ZNF236: variants seen among roughly 807,000 people sequenced by gnomAD.
The protein encoded by ZNF236 is zinc finger protein 236, also known as regulated by glucose.
In ZNF236, 50 loss-of-function variants were observed where a neutral mutation model predicts 191.2. That is an observed-to-expected ratio of 0.26 (90% CI 0.21 to 0.33). The LOEUF is 0.33. ZNF236 is among the 10% of genes least tolerant of loss of function. The pLI is 1.00. For missense variants in ZNF236, 1,754 were observed against 2,374.5 expected (o/e 0.74, Z 5.43); for synonymous variants, 907 against 928.8 (o/e 0.98, Z 0.43).
intron 1 of ZNF236, among the ~76,000 whole-genome samples, chr18:76,836,882 A>G (rs1335014456): frequency 6.8e-6 from 1 of 148,024 alleles, no homozygotes. Context: ...CGGCCTATTT[A>G]TTTGTTTTTT....
intron 25 of ZNF236, among the ~76,000 whole-genome samples, chr18:76,931,837 G>A (rs962500261): frequency 2.0e-5 from 3 of 152,160 alleles, no homozygotes; most frequent in Non-Finnish European, 4.4e-5. Context: ...TGTAGAGATT[G>A]CATTCACTTC....
chr18:76,959,681 T>A lies in ZNF236; in HGVS notation c.5113-6T>A. 1 of 1,597,048 alleles carries A rather than the reference T, an allele frequency of 6.3e-7. No homozygotes were observed. Among genetic ancestry groups the A allele is most frequent in the South Asian group, 1.1e-5 (1 of 87,986 alleles). ...TGTTTCTTGGTTTCTGTGTGTTGTC[T>A]CCCAGGAGCACATGCAGACACACCA... On this transcript the variant is annotated splice_polypyrimidine_tract_variant and splice_region_variant and intron_variant, in intron 28 of 30. Transcript: ENST00000320610.
chr18:76,920,195 C>G, intron 20 of ZNF236, 137 bp downstream of exon 20: 1 of 994,694 alleles, frequency 1.0e-6, no homozygotes, highest in Non-Finnish European at 1.5e-6. Context: ...AGCTTACTTA[C>G]TTGAATGTAT....
At chr18:76,947,441 C>A in intron 26 of ZNF236, 80 bp from the exon 27 acceptor site, 1 of 1,519,176 alleles carries the variant, frequency 6.6e-7, no homozygotes, top group African/African-American at 1.4e-5. Context: ...TCCAAGGTAG[C>A]TGCACCATAA....
At chr18:76,952,846 CAG>C (rs948956802) in intron 27 of ZNF236, among the ~76,000 whole-genome samples, 46 of 152,246 alleles carry the variant, frequency 3.0e-4, no homozygotes, top group South Asian at 1.7e-3. Context: ...AACCCCCAAA[CAG>C]GGGTGTAGTT....
intron 1 of ZNF236, among the ~76,000 whole-genome samples, chr18:76,835,780 G>C (rs538326690): frequency 6.6e-6 from 1 of 152,090 alleles, no homozygotes; most frequent in East Asian, 1.9e-4. Flanking sequence ...TACATTTAAG[G>C]CCGTTTTGAG....
chr18:76,856,607 G>A (rs1976047988), intron 3 of ZNF236, among the ~76,000 whole-genome samples: 1 of 152,082 alleles, frequency 6.6e-6, no homozygotes, highest in Non-Finnish European at 1.5e-5. Context: ...ATCTTTCCAT[G>A]TTTATTAGCC....
intron 1 of ZNF236, among the ~76,000 whole-genome samples, chr18:76,826,981 C>G (rs1326257317): frequency 6.6e-6 from 1 of 152,180 alleles, no homozygotes; most frequent in East Asian, 1.9e-4. Flanking sequence ...ACCACAACCT[C>G]CATCTCCTGG....
intron 17 of ZNF236, 67 bp from the exon 18 acceptor site, chr18:76,913,680 T>G (rs1200494195): frequency 2.6e-6 from 4 of 1,547,682 alleles, no homozygotes; most frequent in African/African-American, 1.4e-5. Context: ...TCTTCCCTTT[T>G]CAGGTGCTGT....
chr18:76,902,465 G>A (rs1045488122), intron 11 of ZNF236, among the ~76,000 whole-genome samples: 1 of 152,178 alleles, frequency 6.6e-6, no homozygotes, highest in Admixed American at 6.5e-5. Context: ...TGCATCCAGG[G>A]TTCTGCCATC....
At chr18:76,947,495 C>T (rs376960518) in intron 26 of ZNF236, 26 bp from the exon 27 acceptor site, 93 of 1,599,552 alleles carry the variant, frequency 5.8e-5, no homozygotes, top group Middle Eastern at 1.7e-4. Context: ...GTTACAACTT[C>T]TGAAATAGTA....
At chr18:76,893,778 G>A (rs1186116993) in intron 9 of ZNF236, among the ~76,000 whole-genome samples, 3 of 152,242 alleles carry the variant, frequency 2.0e-5, no homozygotes, top group African/African-American at 7.2e-5. Context: ...CTCTCAGAGT[G>A]TTGGGATTAC....
chr18:76,852,021 A>T lies in ZNF236; in HGVS notation c.363+82A>T, dbSNP rs1192305437. On this transcript the variant is annotated intron_variant, in intron 3 of 30. Transcript: ENST00000320610. ...CATGAGTCAGGAGGATTTTAGATAT[A>T]AACTTGTTTTGAAAGCCTTTTGTGT... The T allele has an allele frequency of 2.8e-6, 4 of 1,433,098 alleles. No homozygotes were observed. The African/African-American group carries it at 4.3e-5, about 15-fold the overall frequency. The allele number at this position is 1,433,098 out of a possible 1,614,324, so 88.8% of individuals were successfully genotyped here. A position where few individuals can be genotyped will look rare whatever the true frequency, so the allele number is the denominator to read the frequency against.
Position 76,913,021 on chromosome 18 carries a change from G to A in ZNF236, c.2909+674G>A, listed in dbSNP as rs1301654067. On this transcript the variant is annotated intron_variant, in intron 17 of 30. Coordinates refer to ENST00000320610, the MANE Select transcript of ZNF236 (RefSeq NM_001306089.2). The stretch of plus-strand genomic sequence containing the variant: ...CTTTTAGTTTAATTTGGACTTGAGA[G>A]GAAAGTTAGTTGCCTCTACGTGGGC... 3.9e-5 allele frequency among the ~76,000 whole-genome samples: 6 copies of A among 152,340 alleles called. 1 individual carries two copies. In the South Asian group the frequency reaches 1.0e-3, roughly 26 times the overall value.
intron 17 of ZNF236, among the ~76,000 whole-genome samples, chr18:76,913,375 G>A (rs1013307736): frequency 5.3e-5 from 8 of 152,160 alleles, no homozygotes; most frequent in Admixed American, 2.6e-4. Flanking sequence ...GGCAATGGAA[G>A]GATTCATAGT....
chr18:76,941,565 T>C (rs1022494321), intron 26 of ZNF236, among the ~76,000 whole-genome samples: 5 of 152,138 alleles, frequency 3.3e-5, no homozygotes, highest in Non-Finnish European at 5.9e-5. Flanking sequence ...ACCCTGCCAT[T>C]AGCGCTTCCC....
intron 3 of ZNF236, among the ~76,000 whole-genome samples, chr18:76,853,286 C>G (rs1975936421): frequency 6.6e-6 from 1 of 151,938 alleles, no homozygotes; most frequent in African/African-American, 2.4e-5. Flanking sequence ...ACCATGTTGG[C>G]CAAGCTGGTC....
chr18:76,956,237 G>T, intron 28 of ZNF236, 55 bp downstream of exon 28: 2 of 1,530,416 alleles, frequency 1.3e-6, no homozygotes, highest in Non-Finnish European at 8.8e-7. Flanking sequence ...CTAGAGATGC[G>T]GAGTCCAAGA....
chr18:76,834,792 G>T, intron 1 of ZNF236: 1 of 467,128 alleles, frequency 2.1e-6, no homozygotes, highest in Non-Finnish European at 4.2e-6. Context: ...TTGGAAAGAA[G>T]GGAAGACAAA....
Sources: allele counts gnomAD v4.1 joint callset (sites outside exome capture counted in the v4.1 genomes callset), GRCh38; gene constraint gnomAD v4.1.1; transcripts MANE v1.5; gene names NCBI Gene and HGNC (gene_info 2026-07-23, HGNC 2026-07-21).